Variants in SYT1 observed in about 807,000 individuals in gnomAD.
SYT1 encodes the protein synaptotagmin 1.
In SYT1, 8 loss-of-function variants were observed where a neutral mutation model predicts 44.8. The ratio of observed to expected loss-of-function variants is 0.18; its 90% CI spans 0.10 to 0.32. SYT1 has a LOEUF of 0.32. Ranked by LOEUF, SYT1 falls within the 10% of genes least tolerant of loss-of-function variation. The probability of loss-of-function intolerance (pLI) is 1.00; values close to 1 mark genes in which losing one functional copy is unlikely to be tolerated. For missense variants in SYT1, 286 were observed against 509.3 expected (o/e 0.56, Z 4.22); for synonymous variants, 154 against 188.8 (o/e 0.82, Z 1.51).
chr12:79,286,030 T>G, intron 5 of SYT1, 59 bp downstream of exon 5: 3 of 1,523,324 alleles, frequency 2.0e-6, no homozygotes, highest in Non-Finnish European at 1.8e-6. Context: ...ACAAATGTAT[T>G]ATTTTATGCC....
intron 9 of SYT1, among the ~76,000 whole-genome samples, chr12:79,416,019 T>A (rs999460654): frequency 4.6e-5 from 7 of 152,220 alleles, no homozygotes; most frequent in Non-Finnish European, 8.8e-5. Flanking sequence ...AACTGTGGAG[T>A]GGCATAGTCC....
intron 1 of SYT1, among the ~76,000 whole-genome samples, chr12:78,897,962 C>G (rs1875454266): frequency 6.6e-6 from 1 of 152,002 alleles, no homozygotes; most frequent in Admixed American, 6.6e-5. Context: ...CCTTCCTCAC[C>G]TTTAGCTCCT....
At chr12:79,151,132 G>A (rs1870246973) in intron 3 of SYT1, among the ~76,000 whole-genome samples, 1 of 152,100 alleles carries the variant, frequency 6.6e-6, no homozygotes, top group African/African-American at 2.4e-5. Context: ...AAGGGAAGAT[G>A]GGGTGATAAA....
chr12:79,015,987 G>C (rs992533929), intron 2 of SYT1, among the ~76,000 whole-genome samples: 5 of 152,196 alleles, frequency 3.3e-5, no homozygotes, highest in East Asian at 1.9e-4. Context: ...TCCCTTCCTG[G>C]AAAATAATTT....
intron 9 of SYT1, among the ~76,000 whole-genome samples, chr12:79,397,454 C>G (rs1274055618): frequency 2.0e-5 from 3 of 152,122 alleles, no homozygotes; most frequent in Admixed American, 6.5e-5. Flanking sequence ...GTCTCGAACT[C>G]CCGGCTCACG....
At chr12:79,391,421 A>G (rs911418112) in intron 9 of SYT1, among the ~76,000 whole-genome samples, 2 of 152,202 alleles carry the variant, frequency 1.3e-5, no homozygotes, top group Non-Finnish European at 2.9e-5. Flanking sequence ...ATCCCTTCCC[A>G]GTTCTAAAAT....
At chr12:78,909,911 T>C (rs984203892) in intron 1 of SYT1, among the ~76,000 whole-genome samples, 1 of 151,980 alleles carries the variant, frequency 6.6e-6, no homozygotes, top group Non-Finnish European at 1.5e-5. Flanking sequence ...ACTCTCTCTT[T>C]AAATAATAGT....
At chr12:79,365,589 T>C (rs971800850) in intron 9 of SYT1, among the ~76,000 whole-genome samples, 35 of 152,140 alleles carry the variant, frequency 2.3e-4, no homozygotes, top group African/African-American at 8.4e-4. Context: ...ACAAAGAGTT[T>C]CTACATATCA....
At chr12:79,305,079 T>A (rs1021880429) in intron 8 of SYT1, among the ~76,000 whole-genome samples, 2 of 152,208 alleles carry the variant, frequency 1.3e-5, no homozygotes, top group East Asian at 3.9e-4. Context: ...TCCAAGAACA[T>A]GATAGGAAAA....
At position 79,011,413 on chromosome 12, in the gene SYT1, G is replaced by C. The variant is rs139476295; in HGVS notation, c.-84+33482G>C. ...GAGAAATATGCAAATTTATAGTAGG[G>C]CATTCCATCTAGTCAAGAAGGAAAT... On this transcript the variant is annotated intron_variant, in intron 2 of 10. Coordinates refer to ENST00000261205, the MANE Select transcript of SYT1 (RefSeq NM_005639.3). Among the ~76,000 whole-genome samples, 1,099 of 152,012 alleles carry C rather than the reference G, an allele frequency of 7.2e-3. 29 individuals carry two copies. The highest frequency in any genetic ancestry group is 0.035 in the Admixed American group (536 of 15,240).
chr12:79,294,194 A>G (rs1336798950), intron 6 of SYT1, among the ~76,000 whole-genome samples: 1 of 152,094 alleles, frequency 6.6e-6, no homozygotes, highest in African/African-American at 2.4e-5. Flanking sequence ...TTTATAAAGT[A>G]GTATTTTTAA....
At chr12:79,427,096 C>G (rs1444341899) in intron 9 of SYT1, among the ~76,000 whole-genome samples, 1 of 152,208 alleles carries the variant, frequency 6.6e-6, no homozygotes, top group Non-Finnish European at 1.5e-5. Context: ...ATTACCCAGT[C>G]TCAGGTATGT....
intron 9 of SYT1, among the ~76,000 whole-genome samples, chr12:79,356,960 A>C (rs1013746152): frequency 6.6e-6 from 1 of 152,190 alleles, no homozygotes; most frequent in Non-Finnish European, 1.5e-5. Flanking sequence ...ATGGGGAAAA[A>C]AAGTTTATCT....
intron 3 of SYT1, among the ~76,000 whole-genome samples, chr12:79,198,599 T>C (rs1245485781): frequency 6.6e-6 from 1 of 152,172 alleles, no homozygotes; most frequent in Admixed American, 6.5e-5. Context: ...ATGAACTCTC[T>C]CTGGACGGTT....
intron 3 of SYT1, among the ~76,000 whole-genome samples, chr12:79,181,147 T>C (rs1872516238): frequency 2.0e-5 from 3 of 152,096 alleles, no homozygotes; most frequent in African/African-American, 7.2e-5. Context: ...GTCTTGGGTA[T>C]GTCTTTATTA....
intron 1 of SYT1, among the ~76,000 whole-genome samples, chr12:78,869,178 T>C (rs1410700504): frequency 6.6e-6 from 1 of 151,928 alleles, no homozygotes; most frequent in East Asian, 1.9e-4. Context: ...CCACTAAGTG[T>C]TTCCATTTCC....
In SYT1 at chr12:79,254,268, A is replaced by G. The variant is rs538571737; in HGVS notation, c.167-31519A>G. ...GCTCATTTACCATTCCAAAAATTTT[A>G]CAGCCCTTAAGAATGATGACACAGC... is the stretch of plus-strand genomic sequence containing the variant. On this transcript the variant is annotated intron_variant, in intron 4 of 10. Transcript: ENST00000261205. 7.9e-5 allele frequency among the ~76,000 whole-genome samples: 12 copies of G among 152,304 alleles called. No homozygotes were observed. In the South Asian group the frequency reaches 2.3e-3, roughly 29 times the overall value.
In SYT1 at chr12:79,273,643, G is replaced by A. The variant is rs1878552094; in HGVS notation, c.167-12144G>A. Among the ~76,000 whole-genome samples, 4 of 152,258 alleles carry A rather than the reference G, an allele frequency of 2.6e-5. No individual in the cohort carries two copies. The South Asian group carries it at 8.3e-4, about 32-fold the overall frequency. On this transcript the variant is annotated intron_variant, in intron 4 of 10. Transcript: ENST00000261205. The stretch of plus-strand genomic sequence containing the variant: ...CACTGAAGCTGATTTTGTGAGCAGC[G>A]AGGAGGATATGAGGAGCGGCATCAG...
chr12:78,914,473 C>T (rs1484931041), intron 1 of SYT1, among the ~76,000 whole-genome samples: 2 of 58,016 alleles, frequency 3.4e-5, no homozygotes, highest in African/African-American at 1.1e-4. Context: ...ATAACAGCAA[C>T]AAATTATAAT....
Sources: gnomAD v4.1 joint callset for allele counts (sites outside exome capture counted in the v4.1 genomes callset) on GRCh38, gnomAD v4.1.1 for gene constraint, MANE v1.5 for transcripts, NCBI Gene and HGNC (gene_info 2026-07-23, HGNC 2026-07-21) for gene names.